KCNQ1OT1: variants seen among roughly 807,000 people sequenced by gnomAD.
KCNQ1OT1 encodes KCNQ1 opposite strand/antisense transcript 1.
At position 2,645,468 on chromosome 11, in the gene KCNQ1OT1, G is replaced by C. The variant is rs1344942699; in HGVS notation, n.54527C>G. 2.5e-6 allele frequency: 1 copy of C among 398,594 alleles called. No individual in the cohort carries two copies. Among genetic ancestry groups the C allele is most frequent in the Non-Finnish European group, 4.4e-6 (1 of 226,148 alleles). The allele number at this position is 398,594 out of a possible 1,614,324, so 24.7% of individuals were successfully genotyped here. A position where few individuals can be genotyped will look rare whatever the true frequency, so the allele number is the denominator to read the frequency against. On this transcript the variant is annotated non_coding_transcript_exon_variant, in exon 1 of 1. Coordinates refer to ENST00000597346, the Ensembl canonical transcript of KCNQ1OT1. The surrounding 1 kb of genome is among the most constrained non-coding windows in gnomAD (Gnocchi z 5.8). ...GGTAGGCAGGCACAGGAAGATCCCT[G>C]TATACCCTGCTGAATGCTCATGTTG...
In KCNQ1OT1 at chr11:2,657,409, G is replaced by A. The variant is rs1172321575; in HGVS notation, n.42586C>T. 4 of 398,466 alleles carry A rather than the reference G, an allele frequency of 1.0e-5. No individual in the cohort carries two copies. Among genetic ancestry groups the A allele is most frequent in the East Asian group, 7.1e-5 (2 of 28,058 alleles). The allele number at this position is 398,466 out of a possible 1,614,324, so 24.7% of individuals were successfully genotyped here. A position where few individuals can be genotyped will look rare whatever the true frequency, so the allele number is the denominator to read the frequency against. On this transcript the variant is annotated non_coding_transcript_exon_variant, in exon 1 of 1. Coordinates refer to ENST00000597346, the Ensembl canonical transcript of KCNQ1OT1. The surrounding 1 kb of genome is among the most constrained non-coding windows in gnomAD (Gnocchi z 4.8). The stretch of plus-strand genomic sequence containing the variant: ...TACTAAAGTTTTACAATTTTCTCCA[G>A]AGTTCTTGCATATACTTAGTTAGAT...
rs191961588 is a variant in KCNQ1OT1 at position 2,637,277 on chromosome 11, G to C, written n.62718C>G. 5.3e-5 allele frequency: 8 copies of C among 152,202 alleles called. No homozygotes were observed. The East Asian group carries it at 1.5e-3, about 29-fold the overall frequency. The allele number at this position is 152,202 out of a possible 1,614,324, so 9.4% of individuals were successfully genotyped here. A position where few individuals can be genotyped will look rare whatever the true frequency, so the allele number is the denominator to read the frequency against. Reference sequence around the variant, plus strand: ...TAGTTCTTTTAATTGTGATGTTAGGGCATCAATTTTAGATTTTTCCTGCTT... The same window carrying C: ...TAGTTCTTTTAATTGTGATGTTAGGCCATCAATTTTAGATTTTTCCTGCTT... On this transcript the variant is annotated non_coding_transcript_exon_variant, in exon 1 of 1. Transcript: ENST00000597346.
Position 2,676,910 on chromosome 11 carries a change from T to A in KCNQ1OT1, n.23085A>T. 2.5e-6 allele frequency: 1 copy of A among 398,606 alleles called. No individual in the cohort carries two copies. The allele number at this position is 398,606 out of a possible 1,614,324, so 24.7% of individuals were successfully genotyped here. A position where few individuals can be genotyped will look rare whatever the true frequency, so the allele number is the denominator to read the frequency against. ...GTGTTCAGCCCCAGTGTGCACCACT[T>A]AAAAGGAAGACACTGGTATGTTCTG... On this transcript the variant is annotated non_coding_transcript_exon_variant, in exon 1 of 1. Transcript: ENST00000597346. This position sits in a 1 kb window ranked among gnomAD's most constrained non-coding sequence, Gnocchi z 4.2.
chr11:2,633,643 C>A, exon 1 of KCNQ1OT1: 1 of 398,478 alleles, frequency 2.5e-6, no homozygotes, highest in Non-Finnish European at 4.4e-6. Context: ...AGAGTGTGTT[C>A]TTGGCACCTT....
At chr11:2,655,651 G>C (rs1478506936) in exon 1 of KCNQ1OT1, 2 of 398,580 alleles carry the variant, frequency 5.0e-6, no homozygotes, top group African/African-American at 4.1e-5. Flanking sequence ...GGCAGCACCA[G>C]TGTGTCTGGA....
rs996598294 is a variant in KCNQ1OT1, at chr11:2,608,952, T to C, written n.91043A>G. On this transcript the variant is annotated non_coding_transcript_exon_variant, in exon 1 of 1. Coordinates refer to ENST00000597346, the Ensembl canonical transcript of KCNQ1OT1. The surrounding 1 kb of genome is among the most constrained non-coding windows in gnomAD (Gnocchi z 4.6). ...TCTCCCTCTCCCTCTCTCTTACCAA[T>C]CTATCAAAGGTTTGTTAATTTCAAA... 7.5e-6 allele frequency: 3 copies of C among 398,406 alleles called. No homozygotes were observed. Among genetic ancestry groups the C allele is most frequent in the East Asian group, 7.1e-5 (2 of 28,084 alleles). The allele number at this position is 398,406 out of a possible 1,614,324, so 24.7% of individuals were successfully genotyped here.
chr11:2,612,051 T>A lies in KCNQ1OT1; in HGVS notation n.87944A>T. ...TGTTTTCTACTCTTAATTACATATA[T>A]GTTACAACTTAATTACACATACATT... On this transcript the variant is annotated non_coding_transcript_exon_variant, in exon 1 of 1. Coordinates refer to ENST00000597346, the Ensembl canonical transcript of KCNQ1OT1. The surrounding 1 kb of genome is among the most constrained non-coding windows in gnomAD (Gnocchi z 5.5). The A allele has an allele frequency of 2.5e-6, 1 of 398,644 alleles. No individual in the cohort carries two copies. Among genetic ancestry groups the A allele is most frequent in the Non-Finnish European group, 4.4e-6 (1 of 226,058 alleles). 24.7% of individuals were successfully genotyped at this position (398,644 alleles called of 1,614,324 possible).
Position 2,620,929 on chromosome 11 carries a change from G to A in KCNQ1OT1, n.79066C>T, listed in dbSNP as rs1033631652. On this transcript the variant is annotated non_coding_transcript_exon_variant, in exon 1 of 1. Coordinates refer to ENST00000597346, the Ensembl canonical transcript of KCNQ1OT1. This position sits in a 1 kb window ranked among gnomAD's most constrained non-coding sequence, Gnocchi z 4.5. The stretch of plus-strand genomic sequence containing the variant: ...TCCCATTATGGTTTGGTGTTTTTTT[G>A]TTGTTGTTGTTTTGTTTTGTTTTTT... 5.5e-6 allele frequency: 2 copies of A among 366,912 alleles called. No individual in the cohort carries two copies. The highest frequency in any genetic ancestry group is 3.8e-5 in the East Asian group (1 of 26,102). 22.7% of individuals were successfully genotyped at this position (366,912 alleles called of 1,614,324 possible). A position where few individuals can be genotyped will look rare whatever the true frequency, so the allele number is the denominator to read the frequency against.
At chr11:2,662,606 C>T (rs1237809955) in exon 1 of KCNQ1OT1, 5 of 416,436 alleles carry the variant, frequency 1.2e-5, no homozygotes, top group East Asian at 3.4e-5. Flanking sequence ...CCCGCCGTCA[C>T]GGCATGGCCA....
rs1269316250 is a variant in KCNQ1OT1, at chr11:2,612,523, C to T, written n.87472G>A. 1 of 398,476 alleles carries T rather than the reference C, an allele frequency of 2.5e-6. No homozygotes were observed. Among genetic ancestry groups the T allele is most frequent in the African/African-American group, 2.1e-5 (1 of 48,620 alleles). The allele number at this position is 398,476 out of a possible 1,614,324, so 24.7% of individuals were successfully genotyped here. A position where few individuals can be genotyped will look rare whatever the true frequency, so the allele number is the denominator to read the frequency against. ...TCTTTCTTCTGCCAGGTCAAATTTG[C>T]TTAGCCGCACTAGTGAGTTTTTCAC... On this transcript the variant is annotated non_coding_transcript_exon_variant, in exon 1 of 1. Coordinates refer to ENST00000597346, the Ensembl canonical transcript of KCNQ1OT1. The surrounding 1 kb of genome is among the most constrained non-coding windows in gnomAD (Gnocchi z 5.5).
chr11:2,655,625 G>A (rs1479433423), exon 1 of KCNQ1OT1: 3 of 398,726 alleles, frequency 7.5e-6, no homozygotes, highest in Admixed American at 4.4e-5. Context: ...TTGCCCTCAA[G>A]CCCTGGCCTG....
At chr11:2,646,311 T>G in exon 1 of KCNQ1OT1, 1 of 398,648 alleles carries the variant, frequency 2.5e-6, no homozygotes, top group Non-Finnish European at 4.4e-6. Flanking sequence ...TATGATCATT[T>G]TAACATTTTT....
At position 2,671,512 on chromosome 11, in the gene KCNQ1OT1, A is replaced by C. The variant is rs1297037710; in HGVS notation, n.28483T>G. On this transcript the variant is annotated non_coding_transcript_exon_variant, in exon 1 of 1. Coordinates refer to ENST00000597346, the Ensembl canonical transcript of KCNQ1OT1. The surrounding 1 kb of genome is among the most constrained non-coding windows in gnomAD (Gnocchi z 4.7). ...AGGGATTATTTTTAGGGCCAATTCA[A>C]GGGATTTTTCAAAGGTTAATTTTGA... is the stretch of plus-strand genomic sequence containing the variant. 2.5e-6 allele frequency: 1 copy of C among 398,540 alleles called. No individual in the cohort carries two copies. The highest frequency in any genetic ancestry group is 4.4e-6 in the Non-Finnish European group (1 of 226,090). The allele number at this position is 398,540 out of a possible 1,614,324, so 24.7% of individuals were successfully genotyped here.
chr11:2,654,589 G>A lies in KCNQ1OT1; in HGVS notation n.45406C>T. On this transcript the variant is annotated non_coding_transcript_exon_variant, in exon 1 of 1. Transcript: ENST00000597346. This position sits in a 1 kb window ranked among gnomAD's most constrained non-coding sequence, Gnocchi z 6.4. ...TTAATCAATCAGGAGGGGAAGGGCA[G>A]GGGGTGAGTGGTTGGGTGAAGTTAC... 1 of 398,634 alleles carries A rather than the reference G, an allele frequency of 2.5e-6. No homozygotes were observed. Among genetic ancestry groups the A allele is most frequent in the Non-Finnish European group, 4.4e-6 (1 of 226,214 alleles). 24.7% of individuals were successfully genotyped at this position (398,634 alleles called of 1,614,324 possible). A position where few individuals can be genotyped will look rare whatever the true frequency, so the allele number is the denominator to read the frequency against.
In KCNQ1OT1 at chr11:2,620,210, TA is replaced by T. The variant is rs1436044990; in HGVS notation, n.79784del. The T allele has an allele frequency of 1.5e-3, 453 of 300,308 alleles. 2 individuals are homozygous for T. The highest frequency in any genetic ancestry group is 2.4e-3 in the South Asian group (14 of 5,832). The allele number at this position is 300,308 out of a possible 1,614,324, so 18.6% of individuals were successfully genotyped here. ...GTAAGTTCATTCATGTATATATATATATTTTTTTTTTTTATTTTTTTTTTAG... is the reference window on the plus strand; with the variant it reads ...GTAAGTTCATTCATGTATATATATATTTTTTTTTTTTTATTTTTTTTTTAG... On this transcript the variant is annotated non_coding_transcript_exon_variant, in exon 1 of 1. Coordinates refer to ENST00000597346, the Ensembl canonical transcript of KCNQ1OT1. This position sits in a 1 kb window ranked among gnomAD's most constrained non-coding sequence, Gnocchi z 4.5.
chr11:2,678,523 T>G lies in KCNQ1OT1; in HGVS notation n.21472A>C. On this transcript the variant is annotated non_coding_transcript_exon_variant, in exon 1 of 1. Transcript: ENST00000597346. The surrounding 1 kb of genome is among the most constrained non-coding windows in gnomAD (Gnocchi z 4.9). ...ATTTCTAGACTCTATTCTGGACTGC[T>G]GATGGGCCTGTTGATAGGCCAGAGC... The G allele has an allele frequency of 2.5e-6, 1 of 398,642 alleles. No homozygotes were observed. Among genetic ancestry groups the G allele is most frequent in the Non-Finnish European group, 4.4e-6 (1 of 226,056 alleles). The allele number at this position is 398,642 out of a possible 1,614,324, so 24.7% of individuals were successfully genotyped here.
exon 1 of KCNQ1OT1, chr11:2,684,490 C>A (rs568312004): frequency 2.3e-5 from 9 of 398,640 alleles, no homozygotes; most frequent in African/African-American, 1.8e-4. Flanking sequence ...TGGCTGAGTT[C>A]TCCTTCTATT....
exon 1 of KCNQ1OT1, chr11:2,666,795 TA>T (rs1189230483): frequency 7.5e-6 from 3 of 398,592 alleles, no homozygotes; most frequent in Non-Finnish European, 1.3e-5. Flanking sequence ...TCTCTCCCTG[TA>T]AACTTTGGTG....
rs1850187482 is a variant in KCNQ1OT1, at chr11:2,671,759, A to G, written n.28236T>C. The G allele has an allele frequency of 5.0e-6, 2 of 398,556 alleles. No individual in the cohort carries two copies. The highest frequency in any genetic ancestry group is 1.3e-4 in the South Asian group (1 of 7,860). The allele number at this position is 398,556 out of a possible 1,614,324, so 24.7% of individuals were successfully genotyped here. A position where few individuals can be genotyped will look rare whatever the true frequency, so the allele number is the denominator to read the frequency against. On this transcript the variant is annotated non_coding_transcript_exon_variant, in exon 1 of 1. Transcript: ENST00000597346. The surrounding 1 kb of genome is among the most constrained non-coding windows in gnomAD (Gnocchi z 4.7). ...AGAACAAGGAGCTACATACACATAC[A>G]TGCATGCACATAATCATTCTGACCC...
Sources: allele counts gnomAD v4.1 joint callset, GRCh38; gene constraint gnomAD v4.1.1; non-coding constraint Gnocchi (gnomAD v3.1); transcripts MANE v1.5; gene names NCBI Gene and HGNC (gene_info 2026-07-23, HGNC 2026-07-21).